The following NRG3 variants were observed in gnomAD, a reference collection of about 807,000 sequenced individuals.
NRG3 encodes the protein pro-neuregulin-3, membrane-bound isoform.
A neutral mutation model predicts 66.9 loss-of-function variants in NRG3; 31 were observed. The observed-to-expected ratio is 0.46, with a 90% CI of 0.35 to 0.63. The LOEUF is 0.63. Among genes scored for constraint, NRG3 ranks in the 20% least tolerant of loss-of-function variants. The pLI is 0.00. For missense variants in NRG3, 910 were observed against 878.9 expected (o/e 1.04, Z -0.45); for synonymous variants, 393 against 359.4 (o/e 1.09, Z -1.06).
intron 1 of NRG3, among the ~76,000 whole-genome samples, chr10:81,923,354 C>T (rs1020177031): frequency 2.4e-4 from 37 of 152,048 alleles, no homozygotes; most frequent in Admixed American, 3.9e-4. Flanking sequence ...TACAGGCGCC[C>T]GCCACCGCGC....
intron 3 of NRG3, among the ~76,000 whole-genome samples, chr10:82,833,081 G>A (rs1410348602): frequency 6.6e-6 from 1 of 152,028 alleles, no homozygotes; most frequent in Non-Finnish European, 1.5e-5. Context: ...ACTCAGGGAT[G>A]CCATTCTATT....
chr10:82,472,160 C>T (rs1245782112), intron 2 of NRG3, among the ~76,000 whole-genome samples: 5 of 152,072 alleles, frequency 3.3e-5, no homozygotes, highest in African/African-American at 1.2e-4. Context: ...TCTTTTACCA[C>T]CTATAAAAAG....
intron 1 of NRG3, among the ~76,000 whole-genome samples, chr10:81,939,805 C>G (rs1416702844): frequency 6.7e-6 from 1 of 149,554 alleles, no homozygotes; most frequent in African/African-American, 2.4e-5. Flanking sequence ...TTTTTTCATT[C>G]TGCTAACTTT....
At chr10:82,751,939 C>T (rs2058882680) in intron 3 of NRG3, among the ~76,000 whole-genome samples, 1 of 148,672 alleles carries the variant, frequency 6.7e-6, no homozygotes, top group South Asian at 2.1e-4. Flanking sequence ...TAATCACCAG[C>T]TTGTTGAGGA....
chr10:82,122,161 T>G (rs757747077), intron 1 of NRG3, among the ~76,000 whole-genome samples: 2 of 152,200 alleles, frequency 1.3e-5, no homozygotes, highest in African/African-American at 2.4e-5. Context: ...GTGCCTCACA[T>G]GGAGTAAGTG....
intron 1 of NRG3, among the ~76,000 whole-genome samples, chr10:82,055,877 G>T (rs2063823483): frequency 6.6e-6 from 1 of 152,182 alleles, no homozygotes; most frequent in Non-Finnish European, 1.5e-5. Flanking sequence ...GGAGTGAAAT[G>T]CATGGTAGGC....
intron 3 of NRG3, 46 bp downstream of exon 3, chr10:82,738,696 G>A (rs574205636): frequency 1.9e-5 from 28 of 1,489,150 alleles, no homozygotes; most frequent in Middle Eastern, 1.7e-4. Context: ...TATAGGCAGC[G>A]TTTATTCTGA....
chr10:82,638,124 G>T (rs1210915994), intron 2 of NRG3, among the ~76,000 whole-genome samples: 1 of 151,974 alleles, frequency 6.6e-6, no homozygotes, highest in Non-Finnish European at 1.5e-5. Context: ...GAAACTATAA[G>T]AAAAGAGGAA....
At chr10:82,176,882 C>CACAG (rs1429151303) in intron 1 of NRG3, among the ~76,000 whole-genome samples, 1 of 149,714 alleles carries the variant, frequency 6.7e-6, no homozygotes, top group Non-Finnish European at 1.5e-5. Context: ...TAAAACAAGA[C>CACAG]ACACACACAC....
At chr10:82,884,089 A>G (rs555551662) in intron 4 of NRG3, among the ~76,000 whole-genome samples, 1 of 152,116 alleles carries the variant, frequency 6.6e-6, no homozygotes, top group South Asian at 2.1e-4. Context: ...TTGGCTTTAT[A>G]GTTGTATAAG....
intron 1 of NRG3, among the ~76,000 whole-genome samples, chr10:82,318,426 T>C (rs1348345090): frequency 6.6e-6 from 1 of 152,226 alleles, no homozygotes; most frequent in Non-Finnish European, 1.5e-5. Context: ...GGTTTAAGAT[T>C]ACCGTGTTTC....
In NRG3 at chr10:82,717,654, C is replaced by T. The variant is rs545250369; in HGVS notation, c.954-20923C>T. On this transcript the variant is annotated intron_variant, in intron 2 of 8. Coordinates refer to ENST00000372141, the MANE Select transcript of NRG3 (RefSeq NM_001010848.4). Reference sequence around the variant, plus strand: ...TCCTGACCTCGTGATCCGCCTGCCTCGACCTCCCAAAGTGCTGGGATTACA... The same window carrying T: ...TCCTGACCTCGTGATCCGCCTGCCTTGACCTCCCAAAGTGCTGGGATTACA... 9.2e-5 allele frequency among the ~76,000 whole-genome samples: 14 copies of T among 152,054 alleles called. No individual in the cohort carries two copies. The South Asian group carries it at 2.5e-3, about 27-fold the overall frequency.
At chr10:82,571,315 G>C (rs2045721504) in intron 2 of NRG3, among the ~76,000 whole-genome samples, 1 of 151,500 alleles carries the variant, frequency 6.6e-6, no homozygotes, top group African/African-American at 2.4e-5. Flanking sequence ...AATAATTTTA[G>C]AGAAAAAATG....
intron 2 of NRG3, among the ~76,000 whole-genome samples, chr10:82,592,329 G>T (rs1379949671): frequency 6.6e-6 from 1 of 152,152 alleles, no homozygotes; most frequent in South Asian, 2.1e-4. Context: ...TCGGCTAAAA[G>T]AAGAGAATAT....
chr10:82,511,566 TGTG>T (rs1845170620), intron 2 of NRG3, among the ~76,000 whole-genome samples: 1 of 152,056 alleles, frequency 6.6e-6, no homozygotes. Flanking sequence ...CCCACAGAGA[TGTG>T]GTGGGGAAGA....
At chr10:82,277,860 C>G (rs1187342490) in intron 1 of NRG3, among the ~76,000 whole-genome samples, 1 of 152,054 alleles carries the variant, frequency 6.6e-6, no homozygotes, top group East Asian at 1.9e-4. Context: ...GCATAGTATC[C>G]CTCTGAGGGA....
In NRG3 at chr10:82,465,167, C is replaced by T. The variant is rs535418702; in HGVS notation, c.953+106299C>T. 1.4e-3 allele frequency among the ~76,000 whole-genome samples: 209 copies of T among 152,318 alleles called. 1 individual carries two copies. The highest frequency in any genetic ancestry group is 2.7e-3 in the Non-Finnish European group (181 of 68,024). On this transcript the variant is annotated intron_variant, in intron 2 of 8. Transcript: ENST00000372141. ...GATAATGGGGCTATTAACTAAATAACGGTGCTGGCACAAAGAAACAGCCAT... is the reference window on the plus strand; with the variant it reads ...GATAATGGGGCTATTAACTAAATAATGGTGCTGGCACAAAGAAACAGCCAT...
chr10:82,672,276 G>A (rs1591109563), intron 2 of NRG3, among the ~76,000 whole-genome samples: 2 of 152,246 alleles, frequency 1.3e-5, no homozygotes, highest in Admixed American at 1.3e-4. Flanking sequence ...GAGGAGAATG[G>A]AGGACAGGCC....
chr10:82,326,427 C>T (rs1214010636), intron 1 of NRG3, among the ~76,000 whole-genome samples: 3 of 151,964 alleles, frequency 2.0e-5, no homozygotes, highest in Non-Finnish European at 4.4e-5. Context: ...TCGAGCTTCT[C>T]AACTCTATGG....
Sources: gnomAD v4.1 joint callset for allele counts (sites outside exome capture counted in the v4.1 genomes callset) on GRCh38, gnomAD v4.1.1 for gene constraint, MANE v1.5 for transcripts, NCBI Gene and HGNC (gene_info 2026-07-23, HGNC 2026-07-21) for gene names.